The following GTF2A1 variants were observed in gnomAD, a reference collection of about 807,000 sequenced individuals.
GTF2A1 encodes the protein general transcription factor IIA subunit 1, also known as transcription initiation factor IIA subunit 1.
A neutral mutation model predicts 54.1 loss-of-function variants in GTF2A1; 12 were observed. That is an observed-to-expected ratio of 0.22 (90% CI 0.14 to 0.36). The LOEUF is 0.36. Ranked by LOEUF, GTF2A1 falls within the 10% of genes least tolerant of loss-of-function variation. GTF2A1 has a pLI of 1.00. For missense variants in GTF2A1, 335 were observed against 442.2 expected, an observed-to-expected ratio of 0.76 and a Z score of 2.17; for synonymous variants, 145 against 152.0, an observed-to-expected ratio of 0.95 and a Z score of 0.34.
rs976019936 is a variant in GTF2A1, at chr14:81,179,312, C to T, written c.*911G>A. 2.6e-5 allele frequency: 4 copies of T among 152,196 alleles called. No individual in the cohort carries two copies. The highest frequency in any genetic ancestry group is 2.0e-4 in the Admixed American group (3 of 15,276). The allele number at this position is 152,196 out of a possible 1,614,324, so 9.4% of individuals were successfully genotyped here. A position where few individuals can be genotyped will look rare whatever the true frequency, so the allele number is the denominator to read the frequency against. On this transcript the variant is annotated 3_prime_UTR_variant, in exon 9 of 9. Coordinates refer to ENST00000553612, the MANE Select transcript of GTF2A1 (RefSeq NM_015859.4). ...GAATGTTTAGCTTAAAAACTAAACA[C>T]ATTTATAAGCACACACTTCAGCCCA...
chr14:81,189,979 C>T (rs1332904642), intron 7 of GTF2A1, among the ~76,000 whole-genome samples: 2 of 141,518 alleles, frequency 1.4e-5, no homozygotes, highest in African/African-American at 5.5e-5. Context: ...TTAATAAAAT[C>T]AACACATCCC....
At chr14:81,187,437 T>A (rs1352572963) in intron 7 of GTF2A1, among the ~76,000 whole-genome samples, 5 of 152,018 alleles carry the variant, frequency 3.3e-5, no homozygotes. Flanking sequence ...ACAATTCAGG[T>A]GCAATGAACA....
chr14:81,188,793 A>G (rs912713257), intron 7 of GTF2A1, among the ~76,000 whole-genome samples: 3 of 152,008 alleles, frequency 2.0e-5, no homozygotes, highest in African/African-American at 7.2e-5. Context: ...AAAAAAAAGA[A>G]ACTGTTGCCA....
At chr14:81,201,893 C>T (rs1893119550) in intron 3 of GTF2A1, among the ~76,000 whole-genome samples, 1 of 152,120 alleles carries the variant, frequency 6.6e-6, no homozygotes, top group Non-Finnish European at 1.5e-5. Flanking sequence ...GGCGTGGTGG[C>T]TCACACCTGT....
chr14:81,207,216 A>G (rs767029380), intron 2 of GTF2A1, among the ~76,000 whole-genome samples: 4 of 151,938 alleles, frequency 2.6e-5, no homozygotes, highest in African/African-American at 4.8e-5. Context: ...TGTATTCCCA[A>G]CAAAATCTCA....
chr14:81,204,615 C>A (rs1267891439), intron 2 of GTF2A1, among the ~76,000 whole-genome samples: 1 of 152,236 alleles, frequency 6.6e-6, no homozygotes, highest in East Asian at 1.9e-4. Context: ...AAAAGCCTAA[C>A]TTTCCATCTG....
At chr14:81,213,846 G>GTT (rs767098811) in intron 2 of GTF2A1, among the ~76,000 whole-genome samples, 43 of 136,418 alleles carry the variant, frequency 3.2e-4, no homozygotes, top group East Asian at 1.9e-3. Context: ...GGGTTTTTCT[G>GTT]TTTTTTTTTT....
Position 81,177,086 on chromosome 14 carries a change from A to G in GTF2A1, c.*3137T>C, listed in dbSNP as rs1892545182. ...AAAATCTGTGACTTTCATTATAGCA[A>G]AAGAAAATATTCATATAAAAGCTAT... On this transcript the variant is annotated 3_prime_UTR_variant, in exon 9 of 9. Transcript: ENST00000553612. The G allele has an allele frequency of 6.6e-6, 1 of 152,142 alleles. No individual in the cohort carries two copies. Among genetic ancestry groups the G allele is most frequent in the African/African-American group, 2.4e-5 (1 of 41,460 alleles). 9.4% of individuals were successfully genotyped at this position (152,142 alleles called of 1,614,324 possible).
rs561776520 is a variant in GTF2A1, at chr14:81,193,323, T to C, written c.613-484A>G. Among the ~76,000 whole-genome samples, 13 of 152,114 alleles carry C rather than the reference T, an allele frequency of 8.5e-5. No individual in the cohort carries two copies. In the South Asian group the frequency reaches 2.3e-3, roughly 27 times the overall value. The stretch of plus-strand genomic sequence containing the variant: ...CTGGGACTACAGGTGCGCGCCACCA[T>C]GCCCGGCTAATTTTGTTATTTTTAG... On this transcript the variant is annotated intron_variant, in intron 6 of 8. Transcript: ENST00000553612.
rs1475498883 is a variant in GTF2A1 at position 81,177,336 on chromosome 14, A to G, written c.*2887T>C. 2.0e-5 allele frequency: 3 copies of G among 152,142 alleles called. No homozygotes were observed. Among genetic ancestry groups the G allele is most frequent in the Non-Finnish European group, 4.4e-5 (3 of 67,972 alleles). 9.4% of individuals were successfully genotyped at this position (152,142 alleles called of 1,614,324 possible). Reference sequence around the variant, plus strand: ...CATAAAGATCCCCCTCACATAACAGACATTTTACTCTAGAAATTAATTGCA... The same window carrying G: ...CATAAAGATCCCCCTCACATAACAGGCATTTTACTCTAGAAATTAATTGCA... On this transcript the variant is annotated 3_prime_UTR_variant, in exon 9 of 9. Coordinates refer to ENST00000553612, the MANE Select transcript of GTF2A1 (RefSeq NM_015859.4).
At chr14:81,190,939 C>T (rs1268293334) in intron 7 of GTF2A1, among the ~76,000 whole-genome samples, 1 of 152,108 alleles carries the variant, frequency 6.6e-6, no homozygotes, top group Admixed American at 6.5e-5. Context: ...AAAAGCGCTA[C>T]ATATTTCCAT....
chr14:81,213,635 C>T (rs1235436845), intron 2 of GTF2A1, among the ~76,000 whole-genome samples: 2 of 152,144 alleles, frequency 1.3e-5, no homozygotes, highest in Non-Finnish European at 2.9e-5. Flanking sequence ...TTATTCACAT[C>T]CCTCAGTTAC....
At chr14:81,208,200 C>A (rs1276630304) in intron 2 of GTF2A1, among the ~76,000 whole-genome samples, 1 of 152,142 alleles carries the variant, frequency 6.6e-6, no homozygotes, top group Non-Finnish European at 1.5e-5. Context: ...GGCCCAGGGT[C>A]CCCATGCTGT....
In GTF2A1 at chr14:81,179,418, G is replaced by A. The variant is rs1204481705; in HGVS notation, c.*805C>T. 1 of 152,124 alleles carries A rather than the reference G, an allele frequency of 6.6e-6. No individual in the cohort carries two copies. Among genetic ancestry groups the A allele is most frequent in the East Asian group, 1.9e-4 (1 of 5,198 alleles). The allele number at this position is 152,124 out of a possible 1,614,324, so 9.4% of individuals were successfully genotyped here. The stretch of plus-strand genomic sequence containing the variant: ...TGCAAAATAAAACTATATTCCTGAG[G>A]AGCTAGTTTGGGGTTTCTTTTTAAG... On this transcript the variant is annotated 3_prime_UTR_variant, in exon 9 of 9. Coordinates refer to ENST00000553612, the MANE Select transcript of GTF2A1 (RefSeq NM_015859.4).
rs533581505 is a variant in GTF2A1, at chr14:81,181,803, A to G, written c.1024-1473T>C. On this transcript the variant is annotated intron_variant, in intron 8 of 8. Coordinates refer to ENST00000553612, the MANE Select transcript of GTF2A1 (RefSeq NM_015859.4). ...GGTGATCCCCCACCTCGGCCTCCCA[A>G]AGTGCTGGGATTACAGGCGTGAGCC... Among the ~76,000 whole-genome samples, 53 of 152,214 alleles carry G rather than the reference A, an allele frequency of 3.5e-4. 1 individual carries two copies. The South Asian group carries it at 0.011, about 32-fold the overall frequency.
intron 2 of GTF2A1, 168 bp from the exon 3 acceptor site, chr14:81,204,272 A>G (rs193152978): frequency 2.8e-5 from 21 of 755,260 alleles, no homozygotes; most frequent in African/African-American, 2.5e-4. Context: ...AACAAAAACA[A>G]AATTTTAAAG....
chr14:81,185,755 CA>C, intron 7 of GTF2A1, 135 bp from the exon 8 acceptor site: 4 of 492,318 alleles, frequency 8.1e-6, no homozygotes, highest in Non-Finnish European at 1.1e-5. Context: ...TTAATATTGT[CA>C]AATCAGCTGT....
At chr14:81,207,139 G>C (rs145888390) in intron 2 of GTF2A1, among the ~76,000 whole-genome samples, 10 of 147,778 alleles carry the variant, frequency 6.8e-5, no homozygotes, top group East Asian at 2.0e-4. Context: ...ACCTACCTAC[G>C]TACCTACCTA....
chr14:81,191,612 A>C (rs1213162343), intron 7 of GTF2A1, among the ~76,000 whole-genome samples: 1 of 152,200 alleles, frequency 6.6e-6, no homozygotes, highest in Non-Finnish European at 1.5e-5. Context: ...CTATTTAGGA[A>C]TATAAATATA....
Sources: gnomAD v4.1 joint callset for allele counts (sites outside exome capture counted in the v4.1 genomes callset) on GRCh38, gnomAD v4.1.1 for gene constraint, MANE v1.5 for transcripts, NCBI Gene and HGNC (gene_info 2026-07-23, HGNC 2026-07-21) for gene names.